The following GRAP2 variants were observed in gnomAD, a reference collection of about 807,000 sequenced individuals.
GRAP2 encodes GRB2 related adaptor protein 2.
A neutral mutation model predicts 43.5 loss-of-function variants in GRAP2; 31 were observed. The ratio of observed to expected loss-of-function variants is 0.71; its 90% CI spans 0.54 to 0.96. The LOEUF (loss-of-function observed/expected upper bound fraction) is 0.96, where lower values mean the gene tolerates loss of function less well. Among genes scored for constraint, GRAP2 ranks in the 40% least tolerant of loss-of-function variants. The pLI is 0.00. For synonymous variants in GRAP2, 156 were observed against 164.8 expected, an observed-to-expected ratio of 0.95 and a Z score of 0.41; for missense variants, 371 against 424.4, an observed-to-expected ratio of 0.87 and a Z score of 1.11.
At chr22:39,909,793 A>T (rs950696830) in intron 1 of GRAP2, among the ~76,000 whole-genome samples, 1 of 152,236 alleles carries the variant, frequency 6.6e-6, no homozygotes, top group Admixed American at 6.5e-5. Flanking sequence ...AAGGAGGTGC[A>T]TCTGTAGGCT....
intron 1 of GRAP2, among the ~76,000 whole-genome samples, chr22:39,942,451 A>C (rs1158754342): frequency 1.3e-5 from 2 of 152,168 alleles, no homozygotes; most frequent in African/African-American, 4.8e-5. Flanking sequence ...TACTCTCACT[A>C]TTCTCTTACT....
At chr22:39,906,014 G>A (rs146816573) in intron 1 of GRAP2, among the ~76,000 whole-genome samples, 1 of 152,254 alleles carries the variant, frequency 6.6e-6, no homozygotes, top group East Asian at 1.9e-4. Flanking sequence ...ATAGCTTAAG[G>A]CTCTGTACAA....
intron 1 of GRAP2, among the ~76,000 whole-genome samples, chr22:39,915,000 C>T (rs1412584348): frequency 6.6e-6 from 1 of 151,712 alleles, no homozygotes; most frequent in East Asian, 1.9e-4. Flanking sequence ...ACCAGCCTGG[C>T]CAACATGGTG....
chr22:39,950,816 T>C (rs1227274696), intron 2 of GRAP2, among the ~76,000 whole-genome samples: 5 of 152,260 alleles, frequency 3.3e-5, no homozygotes, highest in Non-Finnish European at 7.3e-5. Flanking sequence ...TTGGTTCCCA[T>C]GGCTGGGACT....
intron 3 of GRAP2, among the ~76,000 whole-genome samples, chr22:39,959,491 C>T (rs1376655028): frequency 6.6e-6 from 1 of 152,160 alleles, no homozygotes; most frequent in Non-Finnish European, 1.5e-5. Flanking sequence ...GCTAGGCACA[C>T]TGAGCAAAGC....
intron 1 of GRAP2, among the ~76,000 whole-genome samples, chr22:39,945,311 G>C (rs1051968983): frequency 6.6e-6 from 1 of 152,210 alleles, no homozygotes; most frequent in Non-Finnish European, 1.5e-5. Flanking sequence ...CTTTGAATGG[G>C]TAATAGTCAT....
At chr22:39,947,529 T>C (rs1293300406) in intron 2 of GRAP2, 1 of 266,554 alleles carries the variant, frequency 3.8e-6, no homozygotes, top group Non-Finnish European at 7.3e-6. Context: ...GTGTGTGCAA[T>C]GTGAACGTCA....
chr22:39,929,249 A>G (rs1275184945), intron 1 of GRAP2, among the ~76,000 whole-genome samples: 6 of 152,062 alleles, frequency 3.9e-5, no homozygotes, highest in Non-Finnish European at 7.4e-5. Flanking sequence ...TATTTTTGCA[A>G]TTTCCTGAGA....
Position 39,966,076 on chromosome 22 carries a change from A to C in GRAP2, c.377A>C (p.Asn126Thr). 6.2e-7 allele frequency: 1 copy of C among 1,613,818 alleles called. No homozygotes were observed. Among genetic ancestry groups the C allele is most frequent in the Non-Finnish European group, 8.5e-7 (1 of 1,179,634 alleles). Residue 126 changes from asparagine to threonine, a missense_variant, in exon 5 of 8, where the codon AAT (asparagine) becomes ACT (threonine). Transcript: ENST00000344138. ...TGGACTGAGAAGTTTCCATCCCTAA[A>C]TAAGCTGGTAGACTACTACAGGACA... ...FLWTEKFPSLNKLVDYYRTNS... is the reference protein window; with the variant it reads ...FLWTEKFPSLTKLVDYYRTNS...
At chr22:39,930,191 G>A (rs2066743229) in intron 1 of GRAP2, among the ~76,000 whole-genome samples, 1 of 152,164 alleles carries the variant, frequency 6.6e-6, no homozygotes, top group African/African-American at 2.4e-5. Context: ...GCTGGCATTT[G>A]TGACTTGCAT....
intron 1 of GRAP2, among the ~76,000 whole-genome samples, chr22:39,946,037 T>C (rs1180787878): frequency 6.6e-6 from 1 of 152,194 alleles, no homozygotes; most frequent in Non-Finnish European, 1.5e-5. Flanking sequence ...ATTTTTGTAT[T>C]TTTAGTAGAG....
intron 1 of GRAP2, among the ~76,000 whole-genome samples, chr22:39,940,383 GTTTT>G (rs137987): frequency 2.3e-5 from 3 of 131,472 alleles, no homozygotes; most frequent in African/African-American, 8.4e-5. Flanking sequence ...TTTTTTGTTT[GTTTT>G]TTTTTTTTTT....
At chr22:39,924,011 G>A (rs2958664) in intron 1 of GRAP2, among the ~76,000 whole-genome samples, 2,326 of 152,278 alleles carry the variant, frequency 0.015, 53 homozygotes, top group African/African-American at 0.053. Context: ...AAAACTGAAC[G>A]TAGGGGGCCA....
At chr22:39,938,203 A>T (rs975936673) in intron 1 of GRAP2, among the ~76,000 whole-genome samples, 3 of 152,034 alleles carry the variant, frequency 2.0e-5, no homozygotes, top group Non-Finnish European at 4.4e-5. Flanking sequence ...AACCCAAAAA[A>T]CCTTAAGCAG....
intron 1 of GRAP2, among the ~76,000 whole-genome samples, chr22:39,920,780 G>A (rs1353916827): frequency 6.6e-6 from 1 of 151,956 alleles, no homozygotes; most frequent in East Asian, 1.9e-4. Context: ...TTCATGTCAG[G>A]TCTTATAAAT....
intron 1 of GRAP2, among the ~76,000 whole-genome samples, chr22:39,943,827 C>CCTGAGGAGAAT (rs2066894772): frequency 6.6e-6 from 1 of 150,750 alleles, no homozygotes; most frequent in Non-Finnish European, 1.5e-5. Context: ...TCAAGTGATT[C>CCTGAGGAGAAT]TCCTGCCTCA....
intron 1 of GRAP2, among the ~76,000 whole-genome samples, chr22:39,909,035 A>G (rs1426421682): frequency 6.6e-6 from 1 of 152,166 alleles, no homozygotes; most frequent in Non-Finnish European, 1.5e-5. Context: ...TTAACCCACT[A>G]TACAAGAGAC....
chr22:39,917,624 G>T (rs2145583940), intron 1 of GRAP2, among the ~76,000 whole-genome samples: 1 of 152,242 alleles, frequency 6.6e-6, no homozygotes, highest in East Asian at 1.9e-4. Context: ...ATTACTTCAA[G>T]TATGTTTGGA....
chr22:39,967,569 T>A (rs2067187721), intron 5 of GRAP2, among the ~76,000 whole-genome samples: 2 of 152,184 alleles, frequency 1.3e-5, no homozygotes, highest in South Asian at 4.1e-4. Context: ...CAGGCCTGGT[T>A]CCCATGGTGT....
Sources: allele counts gnomAD v4.1 joint callset (sites outside exome capture counted in the v4.1 genomes callset), GRCh38; gene constraint gnomAD v4.1.1; transcripts MANE v1.5; gene names NCBI Gene and HGNC (gene_info 2026-07-23, HGNC 2026-07-21).